The following PIGN variants were observed in gnomAD, a reference collection of about 807,000 sequenced individuals.
PIGN encodes the protein GPI ethanolamine phosphate transferase 1.
Under a neutral mutation model 125.4 loss-of-function variants are expected in PIGN, and 117 were observed. The observed-to-expected ratio is 0.93, with a 90% CI of 0.80 to 1.09. The LOEUF is 1.09. Among genes scored for constraint, PIGN ranks in the 50% least tolerant of loss-of-function variants. The pLI, the probability that PIGN is intolerant of heterozygous loss-of-function variation, is 0.00. For synonymous variants in PIGN, 392 were observed against 377.8 expected, an observed-to-expected ratio of 1.04 and a Z score of -0.44; for missense variants, 1,075 against 1,094.9, an observed-to-expected ratio of 0.98 and a Z score of 0.26.
At chr18:62,090,437 T>C (rs1220446506) in intron 24 of PIGN, 39 bp downstream of exon 24, 5 of 1,147,998 alleles carry the variant, frequency 4.4e-6, no homozygotes, top group Non-Finnish European at 5.2e-6. Flanking sequence ...TAGAGACTAA[T>C]AGTCTCAAAT....
At chr18:62,112,825 T>A (rs1340481372) in intron 16 of PIGN, 1 of 346,750 alleles carries the variant, frequency 2.9e-6, no homozygotes, top group Non-Finnish European at 5.1e-6. Context: ...AGATATGGAA[T>A]ACTTATAAAA....
chr18:62,076,760 T>A (rs906317434), intron 28 of PIGN, among the ~76,000 whole-genome samples: 1 of 152,222 alleles, frequency 6.6e-6, no homozygotes, highest in African/African-American at 2.4e-5. Context: ...TATGCAGATA[T>A]ATACCACAAG....
At chr18:62,145,525 T>G (rs77118150) in intron 10 of PIGN, among the ~76,000 whole-genome samples, 2 of 152,204 alleles carry the variant, frequency 1.3e-5, no homozygotes, top group Non-Finnish European at 2.9e-5. Context: ...ACTGACAGCA[T>G]GTACTTTGTT....
chr18:62,116,265 T>C (rs1599557668), intron 14 of PIGN, among the ~76,000 whole-genome samples: 1 of 152,236 alleles, frequency 6.6e-6, no homozygotes, highest in East Asian at 1.9e-4. Flanking sequence ...ATATCTAAGT[T>C]GAATTTCCCA....
chr18:62,163,866 T>A (rs567603418), intron 1 of PIGN, among the ~76,000 whole-genome samples: 1 of 152,368 alleles, frequency 6.6e-6, no homozygotes, highest in East Asian at 1.9e-4. Context: ...GGGGAACCAC[T>A]GTTCTACTTT....
intron 1 of PIGN, among the ~76,000 whole-genome samples, chr18:62,178,950 G>A (rs1198864914): frequency 1.3e-5 from 2 of 152,110 alleles, no homozygotes; most frequent in African/African-American, 4.8e-5. Context: ...AGGGCAGCTA[G>A]TCACCATATC....
chr18:62,029,926 A>T (rs1184804425), intron 23 of PIGN, among the ~76,000 whole-genome samples: 7 of 152,198 alleles, frequency 4.6e-5, no homozygotes. Context: ...AGGTCCCTTG[A>T]GTGAGCCTCT....
chr18:62,022,068 C>A (rs114989368), intron 23 of PIGN, among the ~76,000 whole-genome samples: 2,847 of 152,234 alleles, frequency 0.019, 94 homozygotes, highest in African/African-American at 0.065. Context: ...CACAACATAG[C>A]AGTTCACGTC....
At chr18:62,167,245 TAC>T (rs1337062960) in intron 1 of PIGN, among the ~76,000 whole-genome samples, 3 of 134,964 alleles carry the variant, frequency 2.2e-5, no homozygotes, top group Non-Finnish European at 3.3e-5. Flanking sequence ...TATATATATA[TAC>T]ACACACATAT....
chr18:62,167,059 A>G (rs1183953942), intron 1 of PIGN, among the ~76,000 whole-genome samples: 3 of 152,172 alleles, frequency 2.0e-5, no homozygotes, highest in African/African-American at 7.2e-5. Context: ...CCAGAACCTA[A>G]AGTAAAATAA....
At chr18:62,148,470 G>T in intron 7 of PIGN, 132 bp from the exon 8 acceptor site, 1 of 533,046 alleles carries the variant, frequency 1.9e-6, no homozygotes, top group Non-Finnish European at 3.1e-6. Context: ...CTGTGCTCAA[G>T]ACCTACCAAC....
chr18:62,028,482 T>C (rs1334812259), intron 23 of PIGN, among the ~76,000 whole-genome samples: 1 of 152,248 alleles, frequency 6.6e-6, no homozygotes, highest in African/African-American at 2.4e-5. Flanking sequence ...TTATTTGGTA[T>C]GGCAGTAGCT....
intron 20 of PIGN, chr18:62,103,592 C>T (rs2034529401): frequency 6.6e-6 from 1 of 152,138 alleles, no homozygotes; most frequent in Non-Finnish European, 1.5e-5. Context: ...TTCTCACCTC[C>T]TTAACATCTG....
chr18:62,109,808 A>G (rs774099771), intron 17 of PIGN, 26 bp downstream of exon 17: 1 of 1,581,870 alleles, frequency 6.3e-7, no homozygotes, highest in South Asian at 1.2e-5. Context: ...AAGTGAAAAA[A>G]CAAGGCAGCA....
intron 24 of PIGN, among the ~76,000 whole-genome samples, chr18:62,089,475 T>TAATA (rs2146066119): frequency 6.6e-6 from 1 of 152,274 alleles, no homozygotes; most frequent in Non-Finnish European, 1.5e-5. Flanking sequence ...TGGGATGTTT[T>TAATA]AATACTCTTT....
chr18:62,157,016 TG>T, intron 6 of PIGN, 112 bp downstream of exon 6: 1 of 531,654 alleles, frequency 1.9e-6, no homozygotes, highest in Non-Finnish European at 3.3e-6. Flanking sequence ...ATGTTAAAAA[TG>T]TAAAAATATG....
intron 23 of PIGN, among the ~76,000 whole-genome samples, chr18:62,023,152 G>A (rs935591120): frequency 6.6e-6 from 1 of 152,090 alleles, no homozygotes; most frequent in Non-Finnish European, 1.5e-5. Context: ...TCACAGAGTT[G>A]TGCAACCATC....
chr18:62,130,559 G>A (rs1276093868), intron 14 of PIGN, among the ~76,000 whole-genome samples: 1 of 151,936 alleles, frequency 6.6e-6, no homozygotes, highest in East Asian at 1.9e-4. Flanking sequence ...AGAGAAATGA[G>A]TTGTCTTAAT....
intron 7 of PIGN, 57 bp from the exon 8 acceptor site, chr18:62,148,395 A>G: frequency 8.5e-7 from 1 of 1,171,558 alleles, no homozygotes; most frequent in Non-Finnish European, 1.2e-6. Context: ...TTTAAAAATA[A>G]TACTGATGAA....
Sources: allele counts gnomAD v4.1 joint callset (sites outside exome capture counted in the v4.1 genomes callset), GRCh38; gene constraint gnomAD v4.1.1; transcripts MANE v1.5; gene names NCBI Gene and HGNC (gene_info 2026-07-23, HGNC 2026-07-21).